FSTL4: variants seen among roughly 807,000 people sequenced by gnomAD.
The protein encoded by FSTL4 is follistatin-related protein 4.
FSTL4 carries 28 observed loss-of-function variants against 78.2 expected under a neutral mutation model. That is an observed-to-expected ratio of 0.36 (90% confidence interval 0.27 to 0.49). The LOEUF (loss-of-function observed/expected upper bound fraction) is 0.49, where lower values mean the gene tolerates loss of function less well. FSTL4 is among the 20% of genes least tolerant of loss of function. FSTL4 has a pLI of 0.98. For synonymous variants in FSTL4, 422 were observed against 440.5 expected, an observed-to-expected ratio of 0.96 and a Z score of 0.53; for missense variants, 922 against 1,084.9, an observed-to-expected ratio of 0.85 and a Z score of 2.11.
chr5:133,834,148 G>T, the FSTL4 span, among the ~76,000 whole-genome samples: 1 of 152,214 alleles, frequency 6.6e-6, no homozygotes, highest in Non-Finnish European at 1.5e-5. Context: ...GCTTTGCCAA[G>T]GTTCATAAGG....
At chr5:133,622,476 A>T in the FSTL4 span, among the ~76,000 whole-genome samples, 14 of 152,210 alleles carry the variant, frequency 9.2e-5, no homozygotes, top group Non-Finnish European at 2.1e-4. Flanking sequence ...TAAAAATGTT[A>T]CACGAAAAAG....
chr5:133,483,495 C>T (rs745660550), intron 3 of FSTL4, among the ~76,000 whole-genome samples: 15 of 152,136 alleles, frequency 9.9e-5, no homozygotes, highest in Non-Finnish European at 1.8e-4. Context: ...CTCTTTAAAG[C>T]CTGACCATTT....
the FSTL4 span, among the ~76,000 whole-genome samples, chr5:133,841,639 G>GCCTC: frequency 6.6e-6 from 1 of 152,174 alleles, no homozygotes; most frequent in African/African-American, 2.4e-5. Context: ...GGACGGTAAG[G>GCCTC]CTCAGAGGGG....
chr5:133,326,710 A>C, intron 4 of FSTL4, among the ~76,000 whole-genome samples: 1 of 152,038 alleles, frequency 6.6e-6, no homozygotes. Context: ...TCCAAACCAC[A>C]CACTCTGGAC....
the FSTL4 span, among the ~76,000 whole-genome samples, chr5:133,676,566 C>T: frequency 6.6e-6 from 1 of 152,114 alleles, no homozygotes; most frequent in Admixed American, 6.5e-5. Flanking sequence ...TTGATAATAA[C>T]CAATTTGGAG....
At chr5:133,279,405 C>G (rs1368638436) in intron 6 of FSTL4, among the ~76,000 whole-genome samples, 2 of 152,250 alleles carry the variant, frequency 1.3e-5, no homozygotes, top group African/African-American at 4.8e-5. Context: ...TTCTGCTCCC[C>G]CACTCCCAGT....
the FSTL4 span, among the ~76,000 whole-genome samples, chr5:133,689,392 G>A: frequency 1.3e-4 from 20 of 152,172 alleles, no homozygotes; most frequent in Non-Finnish European, 5.9e-5. Context: ...CATTGCTTGA[G>A]GCAATCTACA....
chr5:133,807,538 G>C, the FSTL4 span, among the ~76,000 whole-genome samples: 2 of 152,196 alleles, frequency 1.3e-5, no homozygotes, highest in African/African-American at 4.8e-5. Flanking sequence ...CTGTCATGCT[G>C]CTCTCCCTTG....
chr5:133,456,155 G>A (rs1031371509), intron 3 of FSTL4, among the ~76,000 whole-genome samples: 2 of 152,196 alleles, frequency 1.3e-5, no homozygotes, highest in African/African-American at 4.8e-5. Context: ...GGACCCCAGG[G>A]ACTCTTGGAG....
intron 4 of FSTL4, among the ~76,000 whole-genome samples, chr5:133,353,583 A>G (rs1296646889): frequency 6.6e-6 from 1 of 152,128 alleles, no homozygotes; most frequent in East Asian, 1.9e-4. Context: ...AAAATGAGGG[A>G]CAGAGCTAGG....
At chr5:133,267,824 C>T (rs925471123) in intron 6 of FSTL4, among the ~76,000 whole-genome samples, 5 of 152,120 alleles carry the variant, frequency 3.3e-5, no homozygotes, top group African/African-American at 1.2e-4. Context: ...GGTCATGAGA[C>T]ATAGGAGGCA....
chr5:133,664,287 T>C, the FSTL4 span, among the ~76,000 whole-genome samples: 3 of 151,566 alleles, frequency 2.0e-5, no homozygotes, highest in African/African-American at 7.3e-5. Context: ...TCTGGAAACA[T>C]GGCGCAGCAT....
chr5:133,273,318 A>G (rs1034632874), intron 6 of FSTL4, among the ~76,000 whole-genome samples: 1 of 152,260 alleles, frequency 6.6e-6, no homozygotes, highest in Non-Finnish European at 1.5e-5. Context: ...GAAGGCTTTA[A>G]AATCTAATGT....
the FSTL4 span, among the ~76,000 whole-genome samples, chr5:133,809,003 G>A: frequency 6.6e-6 from 1 of 151,930 alleles, no homozygotes; most frequent in Non-Finnish European, 1.5e-5. Context: ...CAGTTCTTTT[G>A]GACAGGTTGT....
chr5:133,559,359 T>C (rs892647695), intron 3 of FSTL4, among the ~76,000 whole-genome samples: 2 of 152,186 alleles, frequency 1.3e-5, no homozygotes, highest in African/African-American at 4.8e-5. Context: ...ACTGGTCAAG[T>C]AACGAAGATG....
intron 3 of FSTL4, among the ~76,000 whole-genome samples, chr5:133,491,787 T>G (rs1284772302): frequency 6.6e-6 from 1 of 152,244 alleles, no homozygotes; most frequent in Non-Finnish European, 1.5e-5. Context: ...ACATGATCTT[T>G]GTAAATAGCA....
chr5:133,727,389 G>C, the FSTL4 span, among the ~76,000 whole-genome samples: 2 of 152,070 alleles, frequency 1.3e-5, no homozygotes, highest in Non-Finnish European at 2.9e-5. Flanking sequence ...CATTCTTGCT[G>C]AAGCTGTATC....
At chr5:133,336,848 G>A (rs1754474075) in intron 4 of FSTL4, among the ~76,000 whole-genome samples, 2 of 152,178 alleles carry the variant, frequency 1.3e-5, no homozygotes, top group African/African-American at 2.4e-5. Context: ...AGCATCTAAT[G>A]CTTGAGGAGA....
At chr5:133,501,511 T>C (rs142950809) in intron 3 of FSTL4, among the ~76,000 whole-genome samples, 35 of 152,198 alleles carry the variant, frequency 2.3e-4, no homozygotes, top group African/African-American at 7.9e-4. Flanking sequence ...GAGGAACAGG[T>C]ATAAACTGAG....
Sources: allele counts gnomAD v4.1 joint callset (sites outside exome capture counted in the v4.1 genomes callset), GRCh38; gene constraint gnomAD v4.1.1; transcripts MANE v1.5; gene names NCBI Gene and HGNC (gene_info 2026-07-23, HGNC 2026-07-21).